DDX46: variants seen among roughly 807,000 people sequenced by gnomAD.
DDX46 encodes probable ATP-dependent RNA helicase DDX46.
In DDX46, 30 loss-of-function variants were observed where a neutral mutation model predicts 134.9. The ratio of observed to expected loss-of-function variants is 0.22; its 90% CI spans 0.17 to 0.30. The LOEUF is 0.30. Among genes scored for constraint, DDX46 ranks in the 10% least tolerant of loss-of-function variants. DDX46 has a pLI of 1.00. For missense variants in DDX46, 622 were observed against 1,248.7 expected (o/e 0.50, Z 7.56); for synonymous variants, 415 against 404.1 (o/e 1.03, Z -0.32).
Position 134,811,319 on chromosome 5 carries a change from A to G in DDX46, c.2247A>G (p.Leu749=). The stretch of plus-strand genomic sequence containing the variant: ...CAGGGACTGCAGTACCTCCTGATTT[A>G]GAGAAACTGTGGAGTGATTTCAAAG... The part of the protein sequence containing the change: ...ELSGTAVPPD[L]EKLWSDFKDQ... Residue 749 remains leucine, a synonymous_variant, in exon 17 of 23, where the codon TTA becomes TTG. Transcript: ENST00000452510. The G allele has an allele frequency of 6.2e-7, 1 of 1,614,086 alleles. No individual in the cohort carries two copies. Among genetic ancestry groups the G allele is most frequent in the South Asian group, 1.1e-5 (1 of 91,076 alleles).
intron 5 of DDX46, among the ~76,000 whole-genome samples, chr5:134,776,674 T>C (rs1165735418): frequency 2.0e-5 from 3 of 152,008 alleles, no homozygotes; most frequent in East Asian, 1.9e-4. Flanking sequence ...CCCAACACTT[T>C]GGGAGGCTGA....
At chr5:134,815,986 T>A (rs956785013) in intron 18 of DDX46, among the ~76,000 whole-genome samples, 1 of 152,174 alleles carries the variant, frequency 6.6e-6, no homozygotes, top group African/African-American at 2.4e-5. Context: ...TTGACTATAT[T>A]TTTAGTAGGC....
At chr5:134,816,315 A>G in intron 18 of DDX46, 115 bp from the exon 19 acceptor site, 1 of 948,254 alleles carries the variant, frequency 1.1e-6, no homozygotes, top group South Asian at 1.9e-5. Context: ...GTGTAAATAT[A>G]ACTATCTGAT....
At chr5:134,825,478 G>T (rs1321050543) in intron 21 of DDX46, among the ~76,000 whole-genome samples, 1 of 152,058 alleles carries the variant, frequency 6.6e-6, no homozygotes, top group Admixed American at 6.6e-5. Context: ...TCTCTCTGGG[G>T]ACAGAAAAGT....
intron 18 of DDX46, among the ~76,000 whole-genome samples, chr5:134,815,072 C>T (rs1242159366): frequency 2.6e-5 from 4 of 152,152 alleles, no homozygotes; most frequent in Non-Finnish European, 5.9e-5. Flanking sequence ...CACAGTGAGA[C>T]CCCATCTCTA....
intron 15 of DDX46, among the ~76,000 whole-genome samples, chr5:134,806,217 A>G (rs1754982575): frequency 6.6e-6 from 1 of 152,104 alleles, no homozygotes; most frequent in Admixed American, 6.5e-5. Context: ...GTCTTTAAAA[A>G]AAAAAAAAAG....
At chr5:134,761,201 T>G (rs961417584) in intron 1 of DDX46, among the ~76,000 whole-genome samples, 4 of 152,172 alleles carry the variant, frequency 2.6e-5, no homozygotes, top group Non-Finnish European at 5.9e-5. Flanking sequence ...AATTTTTGTA[T>G]TTTTTGTAGA....
intron 15 of DDX46, among the ~76,000 whole-genome samples, chr5:134,804,054 T>TCCTG (rs1056119736): frequency 2.2e-4 from 33 of 151,272 alleles, no homozygotes; most frequent in Admixed American, 1.8e-3. Flanking sequence ...CACCTCAGCT[T>TCCTG]CCTGAATAGC....
intron 12 of DDX46, among the ~76,000 whole-genome samples, chr5:134,789,437 A>C (rs1754440504): frequency 6.6e-6 from 1 of 152,202 alleles, no homozygotes; most frequent in Admixed American, 6.5e-5. Context: ...GAGTATTAAA[A>C]ACTGAGTTAG....
chr5:134,804,949 A>G, intron 15 of DDX46: 1 of 347,284 alleles, frequency 2.9e-6, no homozygotes, highest in East Asian at 6.4e-5. Context: ...ACAATATTAG[A>G]TCTCACAACA....
At chr5:134,774,707 TG>T (rs1753880992) in intron 5 of DDX46, among the ~76,000 whole-genome samples, 1 of 152,120 alleles carries the variant, frequency 6.6e-6, no homozygotes, top group Non-Finnish European at 1.5e-5. Context: ...TTCTTTTTCA[TG>T]TTTTTGGAGA....
rs756132133 is a variant in DDX46 at position 134,767,073 on chromosome 5, T to A, written c.350+13T>A. The stretch of plus-strand genomic sequence containing the variant: ...AAACTGAGAATAGGTAATGTTATCA[T>A]TGGGCTGCATCTATAGTGCAGACTG... On this transcript the variant is annotated intron_variant, in intron 3 of 22. Transcript: ENST00000452510. 15 of 1,609,386 alleles carry A rather than the reference T, an allele frequency of 9.3e-6. No homozygotes were observed. The highest frequency in any genetic ancestry group is 1.7e-5 in the Admixed American group (1 of 58,998).
rs1307939954 is a variant in DDX46, at chr5:134,758,837, G to T, written c.-102G>T. The T allele has an allele frequency of 8.9e-6, 14 of 1,572,818 alleles. No homozygotes were observed. Among genetic ancestry groups the T allele is most frequent in the East Asian group, 2.2e-5 (1 of 44,612 alleles). ...CAGCTGTAGGTGCTGCTAGTGTTTAGCGCTGGTCTTTGCCGGGCGTTGAGG... is the reference window on the plus strand; with the variant it reads ...CAGCTGTAGGTGCTGCTAGTGTTTATCGCTGGTCTTTGCCGGGCGTTGAGG... On this transcript the variant is annotated 5_prime_UTR_variant, in exon 1 of 23. It removes the in-frame stop codon of an upstream open reading frame in the 5' UTR. Coordinates refer to ENST00000452510, the MANE Select transcript of DDX46 (RefSeq NM_001300860.2).
At chr5:134,771,292 A>G (rs1753761007) in intron 4 of DDX46, among the ~76,000 whole-genome samples, 1 of 150,562 alleles carries the variant, frequency 6.6e-6, no homozygotes, top group Admixed American at 6.6e-5. Flanking sequence ...ATGGGGTTTC[A>G]CTGTGTTGGC....
chr5:134,759,103 C>T (rs10058106), intron 1 of DDX46, 148 bp downstream of exon 1: 1 of 1,295,428 alleles, frequency 7.7e-7, no homozygotes, highest in Admixed American at 2.5e-5. Context: ...GGCTGGGGGA[C>T]CTCGGCTGAG....
intron 15 of DDX46, among the ~76,000 whole-genome samples, chr5:134,806,849 C>T (rs753618533): frequency 4.6e-5 from 7 of 152,062 alleles, no homozygotes; most frequent in African/African-American, 9.7e-5. Context: ...CTGGGCATGT[C>T]GTAATAGAAC....
chr5:134,782,059 C>T lies in DDX46; in HGVS notation c.1018C>T (p.Pro340Ser). 6.3e-7 allele frequency: 1 copy of T among 1,588,800 alleles called. No homozygotes were observed. Among genetic ancestry groups the T allele is most frequent in the South Asian group, 1.2e-5 (1 of 86,878 alleles). Residue 340 changes from proline (P) to serine (S), a missense_variant, in exon 8 of 23, where the codon CCA becomes TCA. Pro to Ser is a moderately conservative substitution (Grantham distance 74, BLOSUM62 -1). Coordinates refer to ENST00000452510, the MANE Select transcript of DDX46 (RefSeq NM_001300860.2). ...TAGGAAAAACTTCTATGTTGAAGTT[C>T]CAGAACTAGCAAAAATGTCTCAAGA... is the stretch of plus-strand genomic sequence containing the variant. Reference protein sequence around the residue: ...PFRKNFYVEVPELAKMSQEEV... With the variant: ...PFRKNFYVEVSELAKMSQEEV...
At chr5:134,812,877 A>T (rs1391122472) in intron 18 of DDX46, among the ~76,000 whole-genome samples, 4 of 151,956 alleles carry the variant, frequency 2.6e-5, no homozygotes, top group Non-Finnish European at 4.4e-5. Flanking sequence ...ACCTCAGGTG[A>T]TCCACCTGCC....
chr5:134,811,239 AT>A lies in DDX46; in HGVS notation c.2168del (p.Ile723ThrfsTer12). ...AGNKGYAYTF[I>X]TEDQARYAGD... ...GCATTAGGGTTATGCTTATACTTTT[AT>A]CACAGAGGATCAAGCTCGCTATGCT... On this transcript the variant is annotated frameshift_variant, in exon 17 of 23. Transcript: ENST00000452510. LOFTEE classifies it high-confidence loss of function. The A allele has an allele frequency of 6.2e-7, 1 of 1,613,960 alleles. No individual in the cohort carries two copies. Among genetic ancestry groups the A allele is most frequent in the Non-Finnish European group, 8.5e-7 (1 of 1,179,966 alleles).
Sources: gnomAD v4.1 joint callset for allele counts (sites outside exome capture counted in the v4.1 genomes callset) on GRCh38, gnomAD v4.1.1 for gene constraint, MANE v1.5 for transcripts, NCBI Gene and HGNC (gene_info 2026-07-23, HGNC 2026-07-21) for gene names.